STRN: variants seen among roughly 807,000 people sequenced by gnomAD.
STRN encodes the protein protein phosphatase 2 regulatory subunit B'''alpha.
In STRN, 53 loss-of-function variants were observed where a neutral mutation model predicts 96.3. The observed-to-expected ratio is 0.55, with a 90% confidence interval of 0.44 to 0.69. The LOEUF (loss-of-function observed/expected upper bound fraction) is 0.69, where lower values mean the gene tolerates loss of function less well. Ranked by LOEUF, STRN falls within the 30% of genes least tolerant of loss-of-function variation. STRN has a pLI of 0.00. For synonymous variants in STRN, 428 were observed against 355.9 expected (o/e 1.20, Z -2.28); for missense variants, 987 against 963.9 (o/e 1.02, Z -0.32).
At chr2:36,956,774 C>A (rs1664899689) in intron 1 of STRN, among the ~76,000 whole-genome samples, 1 of 152,192 alleles carries the variant, frequency 6.6e-6, no homozygotes, top group Non-Finnish European at 1.5e-5. Flanking sequence ...TAAATAGGCA[C>A]ATCTCTTGAT....
At chr2:36,953,562 C>T (rs1664810072) in intron 1 of STRN, among the ~76,000 whole-genome samples, 2 of 152,062 alleles carry the variant, frequency 1.3e-5, no homozygotes, top group South Asian at 4.2e-4. Context: ...GCCACCACAC[C>T]AGGCTAATTT....
At position 36,966,455 on chromosome 2, in the gene STRN, C is replaced by G; in HGVS notation, c.9G>C (p.Glu3Asp). 9.6e-6 allele frequency: 14 copies of G among 1,460,502 alleles called. No individual in the cohort carries two copies. The highest frequency in any genetic ancestry group is 1.3e-5 in the Non-Finnish European group (14 of 1,108,396). 90.5% of individuals were successfully genotyped at this position (1,460,502 alleles called of 1,614,324 possible). The change falls in exon 1 of 18, where the codon GAG becomes GAC. Residue 3 changes from glutamate to aspartate, a missense_variant. Glu to Asp is a conservative substitution (Grantham distance 45, BLOSUM62 2). Coordinates refer to ENST00000263918, the MANE Select transcript of STRN (RefSeq NM_003162.4). ...TGAAGAAGACGCCGGGACCCGCCTG[C>G]TCGTCCATGGCGGCCGCAGATACCC... MD[E>D]QAGPGVFFSN...
At chr2:36,900,807 C>T (rs990934150) in intron 5 of STRN, among the ~76,000 whole-genome samples, 2 of 151,858 alleles carry the variant, frequency 1.3e-5, no homozygotes, top group Admixed American at 6.6e-5. Context: ...GCAGCAGAAT[C>T]GCTTGAACCC....
intron 1 of STRN, among the ~76,000 whole-genome samples, 161 bp from the exon 2 acceptor site, chr2:36,925,369 AG>A (rs1294562172): frequency 4.6e-5 from 7 of 152,236 alleles, no homozygotes; most frequent in Admixed American, 4.6e-4. Flanking sequence ...ACTGACTGCA[AG>A]GGGGAAAAAG....
rs190697540 is a variant in STRN, at chr2:36,964,573, A to G, written c.234+1657T>C. On this transcript the variant is annotated intron_variant, in intron 1 of 17. Coordinates refer to ENST00000263918, the MANE Select transcript of STRN (RefSeq NM_003162.4). ...ATACTACAGCAATATAACAATAGGA[A>G]TGAAAAAGTTGCCAAATAATATAAA... Among the ~76,000 whole-genome samples, 430 of 152,330 alleles carry G rather than the reference A, an allele frequency of 2.8e-3. 2 individuals carry two copies. The highest frequency in any genetic ancestry group is 6.8e-3 in the Middle Eastern group (2 of 294).
rs745743514 is a variant in STRN, at chr2:36,886,684, T to C, written c.1042+32A>G. The C allele has an allele frequency of 5.8e-6, 9 of 1,545,944 alleles. No individual in the cohort carries two copies. In the East Asian group the frequency reaches 1.8e-4, roughly 32 times the overall value. On this transcript the variant is annotated intron_variant, in intron 8 of 17. Coordinates refer to ENST00000263918, the MANE Select transcript of STRN (RefSeq NM_003162.4). ...CTGGGGGATGTAAAGAGGCAAGATT[T>C]ATGATTTACAGATACAATGTTTTCC...
chr2:36,922,448 G>T (rs574882286), intron 2 of STRN, among the ~76,000 whole-genome samples: 11 of 149,614 alleles, frequency 7.4e-5, no homozygotes, highest in African/African-American at 2.7e-4. Flanking sequence ...GTGCCCAGAA[G>T]GCTGACACCG....
rs1239985401 is a variant in STRN, at chr2:36,840,869, A to T, written c.*8587T>A. 1 of 152,214 alleles carries T rather than the reference A, an allele frequency of 6.6e-6. No individual in the cohort carries two copies. The highest frequency in any genetic ancestry group is 2.4e-5 in the African/African-American group (1 of 41,456). 9.4% of individuals were successfully genotyped at this position (152,214 alleles called of 1,614,324 possible). On this transcript the variant is annotated 3_prime_UTR_variant, in exon 18 of 18. Coordinates refer to ENST00000263918, the MANE Select transcript of STRN (RefSeq NM_003162.4). ...CCTCATGCCTCAAAAAAAATCCAGA[A>T]GATTTTGAAATGCAGGAGATAAACA... is the stretch of plus-strand genomic sequence containing the variant.
At chr2:36,890,627 G>T (rs1456002371) in intron 7 of STRN, among the ~76,000 whole-genome samples, 1 of 151,674 alleles carries the variant, frequency 6.6e-6, no homozygotes, top group Non-Finnish European at 1.5e-5. Context: ...GGGATTTCAG[G>T]CACCCGCCCC....
rs35052743 is a variant in STRN at position 36,844,420 on chromosome 2, G to GA, written c.*5035dup. ...AGCTAACTAACACCCACCCAGGGGG[G>GA]AAAAATCATTCTACATTAACAAGGC... On this transcript the variant is annotated 3_prime_UTR_variant, in exon 18 of 18. Coordinates refer to ENST00000263918, the MANE Select transcript of STRN (RefSeq NM_003162.4). 12 of 152,084 alleles carry GA rather than the reference G, an allele frequency of 7.9e-5. No individual in the cohort carries two copies. Among genetic ancestry groups the GA allele is most frequent in the African/African-American group, 1.7e-4 (7 of 41,416 alleles). The allele number at this position is 152,084 out of a possible 1,614,324, so 9.4% of individuals were successfully genotyped here. A position where few individuals can be genotyped will look rare whatever the true frequency, so the allele number is the denominator to read the frequency against.
chr2:36,888,448 CA>C (rs1466030669), intron 7 of STRN, among the ~76,000 whole-genome samples: 2 of 152,160 alleles, frequency 1.3e-5, no homozygotes, highest in East Asian at 1.9e-4. Flanking sequence ...CTGCTCTAGC[CA>C]CTCTGGCTCC....
intron 1 of STRN, among the ~76,000 whole-genome samples, chr2:36,962,171 C>A (rs2148282846): frequency 6.6e-6 from 1 of 152,252 alleles, no homozygotes; most frequent in East Asian, 1.9e-4. Flanking sequence ...GAAGTAGATG[C>A]TTGAAAAATA....
chr2:36,895,903 G>A (rs1401780492), intron 6 of STRN, among the ~76,000 whole-genome samples: 1 of 152,074 alleles, frequency 6.6e-6, no homozygotes, highest in African/African-American at 2.4e-5. Context: ...CAGCCTGGGT[G>A]ACAGTGCGAG....
chr2:36,950,388 G>C (rs539215816), intron 1 of STRN, among the ~76,000 whole-genome samples: 39 of 152,122 alleles, frequency 2.6e-4, no homozygotes, highest in African/African-American at 8.9e-4. Context: ...GCTAATGTTT[G>C]TATTTTTAGT....
intron 8 of STRN, among the ~76,000 whole-genome samples, chr2:36,884,847 T>C (rs538362418): frequency 6.6e-6 from 1 of 152,244 alleles, no homozygotes. Context: ...TTTATGGTGG[T>C]TTATAACTCA....
At chr2:36,958,912 A>G (rs1028772407) in intron 1 of STRN, among the ~76,000 whole-genome samples, 1 of 152,094 alleles carries the variant, frequency 6.6e-6, no homozygotes, top group Non-Finnish European at 1.5e-5. Context: ...GAGGTCAGAT[A>G]GAGACCATCC....
At chr2:36,899,697 T>A in intron 5 of STRN, 39 bp from the exon 6 acceptor site, 1 of 1,524,430 alleles carries the variant, frequency 6.6e-7, no homozygotes, top group Non-Finnish European at 8.8e-7. Context: ...GTTAATCTTT[T>A]TAACTTCGAC....
chr2:36,945,295 G>A (rs1572693506), intron 1 of STRN, among the ~76,000 whole-genome samples: 1 of 152,156 alleles, frequency 6.6e-6, no homozygotes, highest in East Asian at 1.9e-4. Context: ...CAGACCAAGC[G>A]ATGTCTAACT....
intron 4 of STRN, among the ~76,000 whole-genome samples, chr2:36,905,117 G>A (rs533841627): frequency 6.7e-4 from 102 of 152,048 alleles, no homozygotes; most frequent in African/African-American, 2.1e-3. Flanking sequence ...TTACAGGCAT[G>A]TGCCACCACG....
Sources: allele counts gnomAD v4.1 joint callset (sites outside exome capture counted in the v4.1 genomes callset), GRCh38; gene constraint gnomAD v4.1.1; transcripts MANE v1.5; gene names NCBI Gene and HGNC (gene_info 2026-07-23, HGNC 2026-07-21).